Variants in CAVIN2 observed in about 807,000 individuals in gnomAD.
The protein encoded by CAVIN2 is caveolae associated protein 2.
CAVIN2 carries 13 observed loss-of-function variants against 11.7 expected under a neutral mutation model. That is an observed-to-expected ratio of 1.11 (90% CI 0.72 to 1.77). CAVIN2 has a LOEUF of 1.77. CAVIN2 is among the 40% of genes most tolerant of loss of function. The pLI is 0.00. For synonymous variants in CAVIN2, 237 were observed against 223.2 expected (o/e 1.06, Z -0.55); for missense variants, 549 against 542.9 (o/e 1.01, Z -0.11).
In CAVIN2 at chr2:191,834,576, A is replaced by G. The variant is rs1559028290; in HGVS notation, c.*1347T>C. The G allele has an allele frequency of 6.6e-6, 1 of 152,202 alleles. No homozygotes were observed. Among genetic ancestry groups the G allele is most frequent in the East Asian group, 1.9e-4 (1 of 5,202 alleles). 9.4% of individuals were successfully genotyped at this position (152,202 alleles called of 1,614,324 possible). A position where few individuals can be genotyped will look rare whatever the true frequency, so the allele number is the denominator to read the frequency against. On this transcript the variant is annotated 3_prime_UTR_variant, in exon 2 of 2. Coordinates refer to ENST00000304141, the MANE Select transcript of CAVIN2 (RefSeq NM_004657.6). ...TTCCTGGGCCAATTGTCTTTAAACT[A>G]TAATTTAAGAAATCATTAGCATTTT... is the stretch of plus-strand genomic sequence containing the variant.
At position 191,834,415 on chromosome 2, in the gene CAVIN2, A is replaced by C. The variant is rs989023422; in HGVS notation, c.*1508T>G. On this transcript the variant is annotated 3_prime_UTR_variant, in exon 2 of 2. Transcript: ENST00000304141. ...ATTGCAAAAATAAGGACATAGCTGA[A>C]TAGGTTATGCCATCAATATGTTTGT... The C allele has an allele frequency of 6.6e-6, 1 of 152,218 alleles. No individual in the cohort carries two copies. Among genetic ancestry groups the C allele is most frequent in the Non-Finnish European group, 1.5e-5 (1 of 68,022 alleles). 9.4% of individuals were successfully genotyped at this position (152,218 alleles called of 1,614,324 possible). A position where few individuals can be genotyped will look rare whatever the true frequency, so the allele number is the denominator to read the frequency against.
rs934829574 is a variant in CAVIN2 at position 191,834,382 on chromosome 2, G to A, written c.*1541C>T. 6 of 152,054 alleles carry A rather than the reference G, an allele frequency of 3.9e-5. No individual in the cohort carries two copies. Among genetic ancestry groups the A allele is most frequent in the African/African-American group, 1.4e-4 (6 of 41,390 alleles). The allele number at this position is 152,054 out of a possible 1,614,324, so 9.4% of individuals were successfully genotyped here. A position where few individuals can be genotyped will look rare whatever the true frequency, so the allele number is the denominator to read the frequency against. ...TTGGTTCAACAATCCAATATTTGAG[G>A]TTACATTATTGCAAAAATAAGGACA... On this transcript the variant is annotated 3_prime_UTR_variant, in exon 2 of 2. Coordinates refer to ENST00000304141, the MANE Select transcript of CAVIN2 (RefSeq NM_004657.6).
In CAVIN2 at chr2:191,835,866, T is replaced by C; in HGVS notation, c.*57A>G. ...GTGCTGGAGATGTGCAAGAGTTTGT[T>C]CTTCAGCCCTGGCTGCCCGCTTGAG... On this transcript the variant is annotated 3_prime_UTR_variant, in exon 2 of 2. Coordinates refer to ENST00000304141, the MANE Select transcript of CAVIN2 (RefSeq NM_004657.6). The C allele has an allele frequency of 6.5e-7, 1 of 1,530,592 alleles. No individual in the cohort carries two copies. The highest frequency in any genetic ancestry group is 8.8e-7 in the Non-Finnish European group (1 of 1,136,168). 94.8% of individuals were successfully genotyped at this position (1,530,592 alleles called of 1,614,324 possible). A position where few individuals can be genotyped will look rare whatever the true frequency, so the allele number is the denominator to read the frequency against.
At chr2:191,845,990 T>TA (rs973219852) in intron 1 of CAVIN2, among the ~76,000 whole-genome samples, 7 of 152,170 alleles carry the variant, frequency 4.6e-5, no homozygotes, top group African/African-American at 1.4e-4. Context: ...ACTTTTTGGT[T>TA]AAAAAAACCA....
rs1164629401 is a variant in CAVIN2 at position 191,834,638 on chromosome 2, T to C, written c.*1285A>G. 1 of 152,176 alleles carries C rather than the reference T, an allele frequency of 6.6e-6. No homozygotes were observed. The highest frequency in any genetic ancestry group is 1.5e-5 in the Non-Finnish European group (1 of 68,000). 9.4% of individuals were successfully genotyped at this position (152,176 alleles called of 1,614,324 possible). A position where few individuals can be genotyped will look rare whatever the true frequency, so the allele number is the denominator to read the frequency against. On this transcript the variant is annotated 3_prime_UTR_variant, in exon 2 of 2. Transcript: ENST00000304141. ...CAGATAAAGCAATATTTTAGTACAA[T>C]GTTAGGCAGCAGATAAAATTACCCT... is the stretch of plus-strand genomic sequence containing the variant.
At position 191,836,623 on chromosome 2, in the gene CAVIN2, A is replaced by G; in HGVS notation, c.578T>C (p.Leu193Pro). Residue 193 changes from leucine to proline, a missense_variant, in exon 2 of 2, where the codon CTG becomes CCG. Leu to Pro is a moderately conservative substitution (Grantham distance 98, BLOSUM62 -3). Transcript: ENST00000304141. Reference sequence around the variant, plus strand: ...GTCCACGGTGTGCAGGGTTTCCTCCAGGGATTTGTTTTCATCCGGAAGCTC... The same window carrying G: ...GTCCACGGTGTGCAGGGTTTCCTCCGGGGATTTGTTTTCATCCGGAAGCTC... ...KEELPDENKS[L>P]EETLHTVDLS... 1 of 1,614,102 alleles carries G rather than the reference A, an allele frequency of 6.2e-7. No individual in the cohort carries two copies. Among genetic ancestry groups the G allele is most frequent in the Middle Eastern group, 1.6e-4 (1 of 6,062 alleles).
intron 1 of CAVIN2, among the ~76,000 whole-genome samples, chr2:191,841,482 G>C (rs914575896): frequency 2.0e-5 from 3 of 152,164 alleles, no homozygotes; most frequent in Non-Finnish European, 4.4e-5. Context: ...CAGGGCCTCT[G>C]TTTCTTTGAC....
Position 191,836,581 on chromosome 2 carries a change from T to C in CAVIN2, c.620A>G (p.Asp207Gly). The C allele has an allele frequency of 6.2e-7, 1 of 1,614,118 alleles. No homozygotes were observed. The highest frequency in any genetic ancestry group is 8.5e-7 in the Non-Finnish European group (1 of 1,180,022). ...CAGGGCCTCCTCATCGTGGGGCAAA[T>C]CATCATCTGAGGAGAGGTCCACGGT... ...LHTVDLSSDD[D>G]LPHDEEALED... is the part of the protein sequence containing the mutation. The change falls in exon 2 of 2, where the codon GAT becomes GGT. Residue 207 changes from aspartate (D) to glycine (G), a missense_variant. Coordinates refer to ENST00000304141, the MANE Select transcript of CAVIN2 (RefSeq NM_004657.6).
At chr2:191,845,746 A>G (rs1690156234) in intron 1 of CAVIN2, among the ~76,000 whole-genome samples, 1 of 152,224 alleles carries the variant, frequency 6.6e-6, no homozygotes, top group Admixed American at 6.5e-5. Flanking sequence ...CTTTGTGACT[A>G]TAACTGATAA....
At position 191,836,410 on chromosome 2, in the gene CAVIN2, G is replaced by A; in HGVS notation, c.791C>T (p.Ser264Phe). The A allele has an allele frequency of 6.2e-7, 1 of 1,614,156 alleles. No individual in the cohort carries two copies. The highest frequency in any genetic ancestry group is 8.5e-7 in the Non-Finnish European group (1 of 1,180,034). Reference protein sequence around the residue: ...KMNKLGTKIVSVERREKIKKS... With the variant: ...KMNKLGTKIVFVERREKIKKS... ...CTTAATCTTCTCTCTCCTCTCTACA[G>A]ATACGATCTTTGTCCCCAGCTTGTT... is the stretch of plus-strand genomic sequence containing the variant. Residue 264 changes from serine (S) to phenylalanine (F), a missense_variant, in exon 2 of 2, where the codon TCT becomes TTT. By Grantham distance (155) the Ser-to-Phe change is radical (BLOSUM62 -2). Transcript: ENST00000304141.
In CAVIN2 at chr2:191,837,231, C is replaced by G. The variant is rs151073018; in HGVS notation, c.484-514G>C. On this transcript the variant is annotated intron_variant, in intron 1 of 1. Coordinates refer to ENST00000304141, the MANE Select transcript of CAVIN2 (RefSeq NM_004657.6). ...AGCCTTGACTGGGTTCCCTCTCCAACTAGGAGTCAGAAGTAAAGGTAGGGC... is the reference window on the plus strand; with the variant it reads ...AGCCTTGACTGGGTTCCCTCTCCAAGTAGGAGTCAGAAGTAAAGGTAGGGC... Among the ~76,000 whole-genome samples the G allele has an allele frequency of 1.4e-4, 22 of 152,290 alleles. No homozygotes were observed. The East Asian group carries it at 4.2e-3, about 29-fold the overall frequency.
chr2:191,846,529 C>A lies in CAVIN2; in HGVS notation c.397G>T (p.Asp133Tyr). 1 of 1,614,270 alleles carries A rather than the reference C, an allele frequency of 6.2e-7. No individual in the cohort carries two copies. Among genetic ancestry groups the A allele is most frequent in the South Asian group, 1.1e-5 (1 of 91,088 alleles). Residue 133 changes from aspartate to tyrosine, a missense_variant, in exon 1 of 2, where the codon GAT becomes TAT. Transcript: ENST00000304141. ...CGCTTCACCTGTGCGCACTGCCTAT[C>A]CATGCGCTCTTTGACCGCGCGCGTG... ...AHTRAVKERM[D>Y]RQCAQVKRLE...
In CAVIN2 at chr2:191,835,589, G is replaced by GA. The variant is rs1690000644; in HGVS notation, c.*333dup. The stretch of plus-strand genomic sequence containing the variant: ...AGCTTATGGAATGACAAAAAAGAAT[G>GA]AATCACTTTTCATGACTAGTATCTT... On this transcript the variant is annotated 3_prime_UTR_variant, in exon 2 of 2. Transcript: ENST00000304141. 1 of 267,828 alleles carries GA rather than the reference G, an allele frequency of 3.7e-6. No homozygotes were observed. Among genetic ancestry groups the GA allele is most frequent in the African/African-American group, 2.1e-5 (1 of 46,592 alleles). The allele number at this position is 267,828 out of a possible 1,614,324, so 16.6% of individuals were successfully genotyped here. A position where few individuals can be genotyped will look rare whatever the true frequency, so the allele number is the denominator to read the frequency against.
At position 191,834,446 on chromosome 2, in the gene CAVIN2, C is replaced by G. The variant is rs1181866252; in HGVS notation, c.*1477G>C. On this transcript the variant is annotated 3_prime_UTR_variant, in exon 2 of 2. Coordinates refer to ENST00000304141, the MANE Select transcript of CAVIN2 (RefSeq NM_004657.6). ...TATGCCATCAATATGTTTGTTAATC[C>G]TATCCCTTTTATTAAAGACAAAGCA... 1 of 152,138 alleles carries G rather than the reference C, an allele frequency of 6.6e-6. No homozygotes were observed. The highest frequency in any genetic ancestry group is 1.5e-5 in the Non-Finnish European group (1 of 68,016). The allele number at this position is 152,138 out of a possible 1,614,324, so 9.4% of individuals were successfully genotyped here.
chr2:191,846,815 G>A lies in CAVIN2; in HGVS notation c.111C>T (p.Ser37=), dbSNP rs115413488. The change falls in exon 1 of 2, where the codon AGC becomes AGT. Residue 37 remains serine, a synonymous_variant. Coordinates refer to ENST00000304141, the MANE Select transcript of CAVIN2 (RefSeq NM_004657.6). ...CCTCCTCTGTGTTCCCTAGGTTCAG[G>A]CTGGGGCTTGGTGTGGAGGAAGGCA... The part of the protein sequence containing the change: ...SPMPSSTPSP[S]LNLGNTEEAI... 80 of 1,614,226 alleles carry A rather than the reference G, an allele frequency of 5.0e-5. No individual in the cohort carries two copies. In the African/African-American group the frequency reaches 9.9e-4, roughly 20 times the overall value.
Position 191,835,670 on chromosome 2 carries a change from T to C in CAVIN2, c.*253A>G. ...AAAGAGATTAGCATTTTTCAACTGCTCAGTTTCTTCTTCAATCTTGGAGAC... is the reference window on the plus strand; with the variant it reads ...AAAGAGATTAGCATTTTTCAACTGCCCAGTTTCTTCTTCAATCTTGGAGAC... On this transcript the variant is annotated 3_prime_UTR_variant, in exon 2 of 2. Transcript: ENST00000304141. The C allele has an allele frequency of 2.2e-6, 1 of 455,842 alleles. No homozygotes were observed. The highest frequency in any genetic ancestry group is 3.9e-6 in the Non-Finnish European group (1 of 257,930). 28.2% of individuals were successfully genotyped at this position (455,842 alleles called of 1,614,324 possible). A position where few individuals can be genotyped will look rare whatever the true frequency, so the allele number is the denominator to read the frequency against.
chr2:191,836,727 C>T lies in CAVIN2; in HGVS notation c.484-10G>A, dbSNP rs114763644. 58,515 of 1,604,812 alleles carry T rather than the reference C, an allele frequency of 0.036. 1,255 individuals carry two copies. The highest frequency in any genetic ancestry group is 0.076 in the Middle Eastern group (457 of 5,982). On this transcript the variant is annotated splice_polypyrimidine_tract_variant and intron_variant, in intron 1 of 1. Coordinates refer to ENST00000304141, the MANE Select transcript of CAVIN2 (RefSeq NM_004657.6). The stretch of plus-strand genomic sequence containing the variant: ...GGATCTCATTTTCCTCCTGAAAAGA[C>T]GGACAATGTAGGTTTCATGTTAATA...
chr2:191,836,361 C>G lies in CAVIN2; in HGVS notation c.840G>C (p.Gln280His), dbSNP rs1690018885. The change falls in exon 2 of 2, where the codon CAG (glutamine) becomes CAC (histidine). Residue 280 changes from glutamine (Q) to histidine (H), a missense_variant. Gln to His is a conservative substitution (Grantham distance 24). Transcript: ENST00000304141. ...GGGAGCTTTTTCCTGAGGATATTTT[C>G]TGGTGATTTGACGTGAGAGATTTCT... is the stretch of plus-strand genomic sequence containing the variant. ...KIKKSLTSNH[Q>H]KISSGKSSPF... is the part of the protein sequence containing the mutation. 1.2e-6 allele frequency: 2 copies of G among 1,614,048 alleles called. No homozygotes were observed. The highest frequency in any genetic ancestry group is 1.3e-5 in the African/African-American group (1 of 74,916).
intron 1 of CAVIN2, among the ~76,000 whole-genome samples, chr2:191,837,349 A>G (rs983768505): frequency 5.9e-5 from 9 of 152,112 alleles, no homozygotes; most frequent in African/African-American, 2.2e-4. Flanking sequence ...CTGGGGGTGC[A>G]CTCAGGAAGC....
Sources: allele counts gnomAD v4.1 joint callset (sites outside exome capture counted in the v4.1 genomes callset), GRCh38; gene constraint gnomAD v4.1.1; transcripts MANE v1.5; gene names NCBI Gene and HGNC (gene_info 2026-07-23, HGNC 2026-07-21).